Variants in PTAFR observed in about 807,000 individuals in gnomAD.
PTAFR encodes platelet activating factor receptor, also known as platelet-activating factor receptor.
A neutral mutation model predicts 14.7 loss-of-function variants in PTAFR; 8 were observed. That is an observed-to-expected ratio of 0.54 (90% CI 0.32 to 0.98). PTAFR has a LOEUF of 0.98. Ranked by LOEUF, PTAFR falls within the 50% of genes least tolerant of loss-of-function variation. The pLI is 0.04. For synonymous variants in PTAFR, 156 were observed against 176.5 expected, an observed-to-expected ratio of 0.88 and a Z score of 0.92; for missense variants, 337 against 451.2, an observed-to-expected ratio of 0.75 and a Z score of 2.29.
At chr1:28,165,914 C>T (rs1032513056) in intron 1 of PTAFR, among the ~76,000 whole-genome samples, 3 of 152,144 alleles carry the variant, frequency 2.0e-5, no homozygotes, top group African/African-American at 7.2e-5. Context: ...AGGTTCAATG[C>T]CATTCTACCA....
chr1:28,191,216 C>G (rs112852009), intron 1 of PTAFR, among the ~76,000 whole-genome samples: 1 of 152,166 alleles, frequency 6.6e-6, no homozygotes, highest in Non-Finnish European at 1.5e-5. Flanking sequence ...GGAGGCCTGA[C>G]AGGGAGAACA....
At chr1:28,162,828 C>A (rs61786979) in intron 1 of PTAFR, among the ~76,000 whole-genome samples, 2 of 75,508 alleles carry the variant, frequency 2.6e-5, no homozygotes, top group Non-Finnish European at 4.9e-5. Context: ...GACTTTGTCT[C>A]CAAAAAAAAA....
intron 1 of PTAFR, among the ~76,000 whole-genome samples, chr1:28,182,574 C>A (rs1482280502): frequency 6.6e-6 from 1 of 151,300 alleles, no homozygotes; most frequent in Admixed American, 6.6e-5. Context: ...GCCTACATGG[C>A]AGAGTGAGAC....
intron 1 of PTAFR, among the ~76,000 whole-genome samples, chr1:28,158,825 G>C (rs1043864948): frequency 1.3e-5 from 2 of 152,200 alleles, no homozygotes; most frequent in Admixed American, 1.3e-4. Flanking sequence ...GACTGGGTCT[G>C]GATTTGGGGA....
chr1:28,176,704 GTA>G (rs1395943863), upstream of PTAFR: 1 of 152,790 alleles, frequency 6.5e-6, no homozygotes, highest in East Asian at 1.9e-4. Flanking sequence ...GAAACAGAGC[GTA>G]TCACTACCAA....
intron 1 of PTAFR, among the ~76,000 whole-genome samples, chr1:28,182,929 C>T (rs558399187): frequency 6.6e-6 from 1 of 152,310 alleles, no homozygotes; most frequent in Admixed American, 6.5e-5. Flanking sequence ...GATCCACCCA[C>T]CTCAGCCTCC....
In PTAFR at chr1:28,150,893, C is replaced by T. The variant is rs1246634613; in HGVS notation, c.129G>A (p.Leu43=). 6.2e-7 allele frequency: 1 copy of T among 1,614,078 alleles called. No individual in the cohort carries two copies. Among genetic ancestry groups the T allele is most frequent in the South Asian group, 1.1e-5 (1 of 91,062 alleles). ...NGYVLWVFAR[L]YPCKKFNEIK... is the part of the protein sequence containing the mutation. ...TCTCATTGAATTTCTTGCAAGGGTA[C>T]AGGCGGGCAAAGACCCACAGCACGT... Residue 43 remains leucine, a synonymous_variant, in exon 2 of 2, where the codon CTG becomes CTA. Coordinates refer to ENST00000373857, the MANE Select transcript of PTAFR (RefSeq NM_000952.5). The surrounding 1 kb of genome is among the most constrained non-coding windows in gnomAD (Gnocchi z 6.3).
rs372980992 is a variant in PTAFR, at chr1:28,183,052, G to GT, written c.-39+10669dup. Reference sequence around the variant, plus strand: ...TTTAAAGAAATTCAATTTTGTGTTTGTTTTTTAAAGCAATACTTGTTGAGC... The same window carrying GT: ...TTTAAAGAAATTCAATTTTGTGTTTGTTTTTTTAAAGCAATACTTGTTGAGC... On this transcript the variant is annotated intron_variant, in intron 1 of 1. Coordinates refer to the PTAFR transcript ENST00000305392. 2.9e-3 allele frequency among the ~76,000 whole-genome samples: 448 copies of GT among 152,206 alleles called. 3 individuals carry two copies. The highest frequency in any genetic ancestry group is 7.6e-3 in the Admixed American group (116 of 15,270).
Position 28,173,465 on chromosome 1 carries a change from C to CAAAACA in PTAFR, c.-39+3121_-39+3126dup, listed in dbSNP as rs377112636. On this transcript the variant is annotated intron_variant, in intron 1 of 1. Coordinates refer to ENST00000373857, the MANE Select transcript of PTAFR (RefSeq NM_000952.5). Reference sequence around the variant, plus strand: ...ACAAAAAACAAACAAACAAACAAAACAAAACAAAAACAAAAACAAAAACAA... The same window carrying CAAAACA: ...ACAAAAAACAAACAAACAAACAAAACAAAACAAAAACAAAAACAAAAACAAAAACAA... 1.4e-3 allele frequency among the ~76,000 whole-genome samples: 207 copies of CAAAACA among 151,824 alleles called. 2 individuals are homozygous for CAAAACA. The highest frequency in any genetic ancestry group is 2.1e-3 in the African/African-American group (85 of 41,400).
chr1:28,154,697 A>G (rs2148993895), intron 1 of PTAFR, among the ~76,000 whole-genome samples: 1 of 151,626 alleles, frequency 6.6e-6, no homozygotes, highest in East Asian at 1.9e-4. Flanking sequence ...TTGTAATCCC[A>G]GCTACTTGGG....
upstream of PTAFR, among the ~76,000 whole-genome samples, chr1:28,180,034 C>T (rs894812464): frequency 1.6e-4 from 25 of 152,230 alleles, no homozygotes; most frequent in African/African-American, 5.8e-4. Flanking sequence ...GAGGGCCAGG[C>T]TCAGTGGCTC....
chr1:28,155,314 G>A (rs1013560067), intron 1 of PTAFR, among the ~76,000 whole-genome samples: 26 of 152,088 alleles, frequency 1.7e-4, no homozygotes, highest in Admixed American at 1.4e-3. Flanking sequence ...AGGTTCAAGC[G>A]ATTCTCCTGC....
chr1:28,167,633 A>ATTTTTTTTTTTTTTTTTTTTTTTTTTTT (rs780344665), intron 1 of PTAFR, among the ~76,000 whole-genome samples: 1 of 80,234 alleles, frequency 1.2e-5, no homozygotes, highest in African/African-American at 5.5e-5. Context: ...TGAAAACGGG[A>ATTTTTTTTTTTTTTTTTTTTTTTTTTTT]TTTTTTTTTT....
intron 1 of PTAFR, among the ~76,000 whole-genome samples, chr1:28,163,932 C>T (rs910931243): frequency 1.3e-5 from 2 of 152,218 alleles, no homozygotes; most frequent in South Asian, 4.1e-4. Context: ...CCTGATGGAT[C>T]GAGGCTGGGC....
At position 28,162,372 on chromosome 1, in the gene PTAFR, T is replaced by C. The variant is rs146689771; in HGVS notation, c.-38-11313A>G. On this transcript the variant is annotated intron_variant, in intron 1 of 1. Transcript: ENST00000373857. ...AACAAACACCCAGCAACCGACAGGA[T>C]TGCCTACTCCCCAGACAGAGCAGCT... 3.3e-3 allele frequency among the ~76,000 whole-genome samples: 502 copies of C among 152,254 alleles called. 3 individuals are homozygous for C. The highest frequency in any genetic ancestry group is 0.014 in the Middle Eastern group (4 of 294).
In PTAFR at chr1:28,150,499, C is replaced by T. The variant is rs777431528; in HGVS notation, c.523G>A (p.Glu175Lys). 6.2e-7 allele frequency: 1 copy of T among 1,614,162 alleles called. No individual in the cohort carries two copies. Among genetic ancestry groups the T allele is most frequent in the Admixed American group, 1.7e-5 (1 of 60,016 alleles). Residue 175 changes from glutamate (E) to lysine (K), a missense_variant, in exon 2 of 2, where the codon GAG (glutamate) becomes AAG (lysine). Physicochemically the swap from Glu to Lys is moderately conservative, Grantham distance 56. Coordinates refer to ENST00000373857, the MANE Select transcript of PTAFR (RefSeq NM_000952.5). The surrounding 1 kb of genome is among the most constrained non-coding windows in gnomAD (Gnocchi z 6.3). ...AGSGNVTRCF[E>K]HYEKGSVPVL... ...GGCACGCTGCCCTTCTCGTAATGCT[C>T]AAAGCAGCGAGTGACGTTGCCTGAG...
rs561376923 is a variant in PTAFR, at chr1:28,155,567, A to T, written c.-38-4508T>A. ...ATGCTTCAGACCTCAGCTGAATTTCACTGCTTTAGGGAGGTCTTCAATGGA... is the reference window on the plus strand; with the variant it reads ...ATGCTTCAGACCTCAGCTGAATTTCTCTGCTTTAGGGAGGTCTTCAATGGA... On this transcript the variant is annotated intron_variant, in intron 1 of 1. Transcript: ENST00000373857. Among the ~76,000 whole-genome samples, 6 of 152,020 alleles carry T rather than the reference A, an allele frequency of 3.9e-5. No individual in the cohort carries two copies. The East Asian group carries it at 1.2e-3, about 29-fold the overall frequency.
chr1:28,166,575 G>T (rs1461359118), intron 1 of PTAFR, among the ~76,000 whole-genome samples: 1 of 151,908 alleles, frequency 6.6e-6, no homozygotes, highest in African/African-American at 2.4e-5. Flanking sequence ...GGAGGCTGAG[G>T]CACGAGAATC....
intron 1 of PTAFR, among the ~76,000 whole-genome samples, chr1:28,184,329 G>A (rs185913205): frequency 2.0e-4 from 31 of 152,082 alleles, no homozygotes; most frequent in African/African-American, 6.5e-4. Flanking sequence ...CTGACCTCAC[G>A]TGATCCGCCC....
Sources: allele counts gnomAD v4.1 joint callset (sites outside exome capture counted in the v4.1 genomes callset), GRCh38; gene constraint gnomAD v4.1.1; non-coding constraint Gnocchi (gnomAD v3.1); transcripts MANE v1.5; gene names NCBI Gene and HGNC (gene_info 2026-07-23, HGNC 2026-07-21).